Variants in SOD2 observed in about 807,000 individuals in gnomAD.
The protein encoded by SOD2 is superoxide dismutase 2, also known as superoxide dismutase [Mn], mitochondrial.
SOD2 carries 11 observed loss-of-function variants against 27.0 expected under a neutral mutation model. The ratio of observed to expected loss-of-function variants is 0.41; its 90% CI spans 0.26 to 0.67. SOD2 has a LOEUF of 0.67. Among genes scored for constraint, SOD2 ranks in the 30% least tolerant of loss-of-function variants. SOD2 has a pLI of 0.34. For synonymous variants in SOD2, 105 were observed against 103.0 expected (o/e 1.02, Z -0.12); for missense variants, 250 against 274.5 (o/e 0.91, Z 0.63).
intron 1 of SOD2, among the ~76,000 whole-genome samples, chr6:159,742,319 TCTCAGTCATTGGAGAAGA>T (rs1192376890): frequency 6.6e-6 from 1 of 152,186 alleles, no homozygotes; most frequent in African/African-American, 2.4e-5. Flanking sequence ...TGAGACACAG[TCTCAGTCATTGGAGAAGA>T]CAGAGGTGTA....
Position 159,682,523 on chromosome 6 carries a change from T to C in SOD2, c.639A>G (p.Val213=), listed in dbSNP as rs750730998. The change falls in exon 5 of 5, where the codon GTA becomes GTG. Residue 213 remains valine, a synonymous_variant. Coordinates refer to ENST00000538183, the MANE Select transcript of SOD2 (RefSeq NM_000636.4). Reference sequence around the variant, plus strand: ...TTTTGCAAGCCATGTATCTTTCAGTTACATTCTCCCAGTTGATTACATTCC... The same window carrying C: ...TTTTGCAAGCCATGTATCTTTCAGTCACATTCTCCCAGTTGATTACATTCC... ...AIWNVINWEN[V]TERYMACKK 1 of 1,613,832 alleles carries C rather than the reference T, an allele frequency of 6.2e-7. No homozygotes were observed. The highest frequency in any genetic ancestry group is 1.1e-5 in the South Asian group (1 of 90,980).
At chr6:159,692,576 AC>A in intron 2 of SOD2, 84 bp downstream of exon 2, 1 of 1,579,154 alleles carries the variant, frequency 6.3e-7, no homozygotes, top group Non-Finnish European at 8.6e-7. Flanking sequence ...GTTCTCCTCC[AC>A]GGAGAGGCCC....
chr6:159,715,213 G>A (rs2842963), intron 1 of SOD2, among the ~76,000 whole-genome samples: 65,288 of 151,520 alleles, frequency 0.43, 15,115 homozygotes, highest in Admixed American at 0.53. Context: ...ACTGTTAGTC[G>A]ACAAGAAAAG....
chr6:159,723,416 T>C (rs1292913828), intron 1 of SOD2, among the ~76,000 whole-genome samples: 1 of 152,208 alleles, frequency 6.6e-6, no homozygotes, highest in Admixed American at 6.5e-5. Flanking sequence ...ACAGTTGGCA[T>C]AGCCTCATTG....
chr6:159,703,828 A>G (rs1777569451), intron 1 of SOD2, among the ~76,000 whole-genome samples: 1 of 152,246 alleles, frequency 6.6e-6, no homozygotes, highest in African/African-American at 2.4e-5. Flanking sequence ...AAGAAAGCTG[A>G]AAATTGTTTT....
chr6:159,684,820 T>C, intron 4 of SOD2, 34 bp downstream of exon 4: 1 of 1,545,158 alleles, frequency 6.5e-7, no homozygotes, highest in Non-Finnish European at 8.9e-7. Flanking sequence ...GTAGAGCATC[T>C]CTCCCAAATG....
At chr6:159,713,770 C>G (rs976037741) in intron 1 of SOD2, 39 of 956,474 alleles carry the variant, frequency 4.1e-5, no homozygotes, top group Non-Finnish European at 1.0e-5. Context: ...CCCATGGTTT[C>G]TCTGTCTTTA....
chr6:159,738,982 C>T lies in SOD2; in HGVS notation c.-116+6148G>A, dbSNP rs762671079. 5 of 1,605,964 alleles carry T rather than the reference C, an allele frequency of 3.1e-6. No homozygotes were observed. The South Asian group carries it at 3.3e-5, about 11-fold the overall frequency. On this transcript the variant is annotated intron_variant, in intron 1 of 3. Coordinates refer to the SOD2 transcript ENST00000537657. The stretch of plus-strand genomic sequence containing the variant: ...AACACTAAATTCATATTGTAATTCT[C>T]TTTATAGGTTCGATTGAGTGAAACA...
At chr6:159,703,591 T>C (rs924667622) in intron 1 of SOD2, among the ~76,000 whole-genome samples, 1 of 152,110 alleles carries the variant, frequency 6.6e-6, no homozygotes, top group Admixed American at 6.6e-5. Flanking sequence ...AAGTATACAC[T>C]CAAGTGTACA....
upstream of SOD2, chr6:159,693,395 G>C (rs1267496237): frequency 6.0e-6 from 1 of 167,882 alleles, no homozygotes; most frequent in African/African-American, 2.5e-5. Context: ...CTGCGTGCCT[G>C]TCCCGCCCGC....
chr6:159,684,994 A>AAGG lies in SOD2; in HGVS notation c.380_382dup (p.Ser127dup), dbSNP rs777759963. On this transcript the variant is annotated inframe_insertion, in exon 4 of 5. Transcript: ENST00000538183. The stretch of plus-strand genomic sequence containing the variant: ...CGTCAGCTTCTCCTTAAACTTGTCA[A>AAGG]AGGAACCAAAGTCACGTTTGATGGC... 4 of 1,611,378 alleles carry AAGG rather than the reference A, an allele frequency of 2.5e-6. No individual in the cohort carries two copies. The highest frequency in any genetic ancestry group is 3.4e-6 in the Non-Finnish European group (4 of 1,178,880).
intron 1 of SOD2, chr6:159,756,017 C>T (rs1409947722): frequency 6.2e-6 from 1 of 161,250 alleles, no homozygotes; most frequent in African/African-American, 2.4e-5. Context: ...ACTTATGCAC[C>T]ATTCAGACTT....
chr6:159,704,648 C>G (rs1311192371), intron 1 of SOD2, among the ~76,000 whole-genome samples: 1 of 152,198 alleles, frequency 6.6e-6, no homozygotes. Flanking sequence ...TGGATGGAGC[C>G]CACTGCAGCT....
chr6:159,733,562 C>T (rs1778719918), intron 1 of SOD2, among the ~76,000 whole-genome samples: 1 of 151,058 alleles, frequency 6.6e-6, no homozygotes, highest in Non-Finnish European at 1.5e-5. Context: ...GTCAAGATTG[C>T]AGTGAGCCAT....
chr6:159,692,932 G>A lies in SOD2; in HGVS notation c.24-69C>T, dbSNP rs890421298. ...CCGTCTACGCAGGCTGGGCTGCCGA[G>A]GAACGGCAGCGCGCGGCGTCCCCCG... On this transcript the variant is annotated intron_variant, in intron 1 of 4. Transcript: ENST00000538183. 4 of 1,406,180 alleles carry A rather than the reference G, an allele frequency of 2.8e-6. No homozygotes were observed. The Admixed American group carries it at 1.1e-4, about 39-fold the overall frequency. 87.1% of individuals were successfully genotyped at this position (1,406,180 alleles called of 1,614,324 possible).
chr6:159,685,503 A>T (rs745323028), intron 3 of SOD2, among the ~76,000 whole-genome samples: 1 of 152,042 alleles, frequency 6.6e-6, no homozygotes, highest in South Asian at 2.1e-4. Context: ...TGGCCTCCCA[A>T]AGTGCTGGGA....
chr6:159,756,615 T>TTTA lies in SOD2; in HGVS notation c.-336+4421_-336+4422insTAA, dbSNP rs1554266233. Reference sequence around the variant, plus strand: ...TAGGCTTTTTTTTTTTTTTTTTTTTTAATTGAGACAGGGTCTTGCTTTGTC... The same window carrying TTTA: ...TAGGCTTTTTTTTTTTTTTTTTTTTTTTAAATTGAGACAGGGTCTTGCTTTGTC... On this transcript the variant is annotated intron_variant, in intron 1 of 7. Coordinates refer to the SOD2 transcript ENST00000546087. Among the ~76,000 whole-genome samples, 9 of 133,650 alleles carry TTTA rather than the reference T, an allele frequency of 6.7e-5. No homozygotes were observed. In the South Asian group the frequency reaches 2.0e-3, roughly 29 times the overall value. The allele number at this position is 133,650 out of a possible 152,430, so 87.7% of individuals were successfully genotyped here. A position where few individuals can be genotyped will look rare whatever the true frequency, so the allele number is the denominator to read the frequency against.
chr6:159,690,247 A>G (rs2114785031), intron 2 of SOD2, among the ~76,000 whole-genome samples: 1 of 145,710 alleles, frequency 6.9e-6, no homozygotes, highest in South Asian at 2.2e-4. Context: ...AGATCACATC[A>G]CTGCACTCCA....
intron 1 of SOD2, among the ~76,000 whole-genome samples, chr6:159,735,504 A>G (rs1037509160): frequency 6.6e-6 from 1 of 152,214 alleles, no homozygotes; most frequent in Non-Finnish European, 1.5e-5. Flanking sequence ...TAATCCCAGC[A>G]CTTTGGGAGG....
Sources: gnomAD v4.1 joint callset for allele counts (sites outside exome capture counted in the v4.1 genomes callset) on GRCh38, gnomAD v4.1.1 for gene constraint, MANE v1.5 for transcripts, NCBI Gene and HGNC (gene_info 2026-07-23, HGNC 2026-07-21) for gene names.